Variants in RAP1GAP2 observed in about 807,000 individuals in gnomAD.
RAP1GAP2 encodes RAP1 GTPase activating protein 2.
A neutral mutation model predicts 95.0 loss-of-function variants in RAP1GAP2; 27 were observed. The observed-to-expected ratio is 0.28, with a 90% CI of 0.21 to 0.39. The LOEUF is 0.39. Ranked by LOEUF, RAP1GAP2 falls within the 10% of genes least tolerant of loss-of-function variation. RAP1GAP2 has a pLI of 1.00. For missense variants in RAP1GAP2, 771 were observed against 970.0 expected, an observed-to-expected ratio of 0.79 and a Z score of 2.72; for synonymous variants, 373 against 380.9, an observed-to-expected ratio of 0.98 and a Z score of 0.24.
At position 2,855,004 on chromosome 17, in the gene RAP1GAP2, C is replaced by T. The variant is rs1305077898; in HGVS notation, c.81-50280C>T. 6.6e-6 allele frequency among the ~76,000 whole-genome samples: 1 copy of T among 152,134 alleles called. No homozygotes were observed. The highest frequency in any genetic ancestry group is 1.5e-5 in the Non-Finnish European group (1 of 68,032). On this transcript the variant is annotated intron_variant, in intron 2 of 24. Coordinates refer to ENST00000254695, the MANE Select transcript of RAP1GAP2 (RefSeq NM_015085.5). This position sits in a 1 kb window ranked among gnomAD's most constrained non-coding sequence, Gnocchi z 4.3. ...GAGTTTTGGAATGGTTAATACCGCA[C>T]CCTATAAGACACGGGCAGTGGAACC...
Position 2,995,358 on chromosome 17 carries a change from G to T in RAP1GAP2, c.936G>T (p.Val312=). 1 of 1,613,826 alleles carries T rather than the reference G, an allele frequency of 6.2e-7. No individual in the cohort carries two copies. Among genetic ancestry groups the T allele is most frequent in the South Asian group, 1.1e-5 (1 of 91,074 alleles). Reference sequence around the variant, plus strand: ...ACAGTTTCCGAGGAGGCCTGGACGTGACCCACGGACAGACAGGGGTGGAAT... The same window carrying T: ...ACAGTTTCCGAGGAGGCCTGGACGTTACCCACGGACAGACAGGGGTGGAAT... ...DFKGFRGGLD[V]THGQTGVESV... Residue 312 remains valine (V), a synonymous_variant, in exon 13 of 25, where the codon GTG becomes GTT. Coordinates refer to ENST00000254695, the MANE Select transcript of RAP1GAP2 (RefSeq NM_015085.5).
At chr17:2,978,427 G>C (rs2045216754) in intron 8 of RAP1GAP2, among the ~76,000 whole-genome samples, 1 of 152,106 alleles carries the variant, frequency 6.6e-6, no homozygotes. Context: ...AGCGTGTAGG[G>C]CGTGGGTATG....
intron 1 of RAP1GAP2, among the ~76,000 whole-genome samples, chr17:2,757,188 G>A (rs1041270806): frequency 2.0e-5 from 3 of 152,220 alleles, no homozygotes; most frequent in South Asian, 2.1e-4. Flanking sequence ...GTGCAATCTC[G>A]GCTCACTGCA....
At chr17:2,848,501 C>CTT (rs11441936) in intron 2 of RAP1GAP2, among the ~76,000 whole-genome samples, 49 of 142,326 alleles carry the variant, frequency 3.4e-4, no homozygotes, top group Middle Eastern at 3.5e-3. Flanking sequence ...TCTTTTCCTT[C>CTT]TTTTTTTTTT....
chr17:2,819,411 G>C (rs1288497995), intron 2 of RAP1GAP2, among the ~76,000 whole-genome samples: 1 of 151,616 alleles, frequency 6.6e-6, no homozygotes, highest in African/African-American at 2.4e-5. Context: ...TGCCTCCTGG[G>C]TACAAGTGAT....
At chr17:2,843,346 C>T (rs2071447289) in intron 2 of RAP1GAP2, among the ~76,000 whole-genome samples, 1 of 150,984 alleles carries the variant, frequency 6.6e-6, no homozygotes, top group South Asian at 2.1e-4. Flanking sequence ...AGTGCAGTGG[C>T]GCGATCTCGG....
At chr17:2,899,372 A>G (rs1289743505) in intron 2 of RAP1GAP2, among the ~76,000 whole-genome samples, 1 of 151,770 alleles carries the variant, frequency 6.6e-6, no homozygotes, top group Non-Finnish European at 1.5e-5. Flanking sequence ...ACACCTGGCT[A>G]ATTTTTTAAA....
At chr17:2,815,965 C>T (rs2070001172) in intron 2 of RAP1GAP2, among the ~76,000 whole-genome samples, 2 of 152,210 alleles carry the variant, frequency 1.3e-5, no homozygotes, top group Non-Finnish European at 2.9e-5. Flanking sequence ...ACTGGCTGGA[C>T]GTGGTCAGAA....
chr17:2,844,127 TCTC>T (rs1267454710), intron 2 of RAP1GAP2, among the ~76,000 whole-genome samples: 3 of 152,018 alleles, frequency 2.0e-5, no homozygotes, highest in African/African-American at 7.2e-5. Context: ...TTCACGCCAT[TCTC>T]CTGCCTCAGC....
chr17:2,846,047 G>A (rs924365720), intron 2 of RAP1GAP2, among the ~76,000 whole-genome samples: 3 of 151,844 alleles, frequency 2.0e-5, no homozygotes, highest in African/African-American at 4.8e-5. Flanking sequence ...GTCGAGCGTG[G>A]TATTGGGAGC....
At chr17:2,847,876 C>T (rs532415566) in intron 2 of RAP1GAP2, among the ~76,000 whole-genome samples, 3 of 152,192 alleles carry the variant, frequency 2.0e-5, no homozygotes, top group South Asian at 2.1e-4. Context: ...TCTTCCTGTT[C>T]GTCAGAAATT....
chr17:2,952,562 A>G (rs2043957734), intron 3 of RAP1GAP2, among the ~76,000 whole-genome samples: 1 of 152,194 alleles, frequency 6.6e-6, no homozygotes, highest in South Asian at 2.1e-4. Context: ...GTGTGCACTC[A>G]GCAGAGTTCC....
At chr17:2,981,827 A>G (rs1389253487) in intron 10 of RAP1GAP2, among the ~76,000 whole-genome samples, 3 of 152,124 alleles carry the variant, frequency 2.0e-5, no homozygotes, top group African/African-American at 4.8e-5. Flanking sequence ...ATAATAATAA[A>G]CCCACTGAGG....
exon 1 of RAP1GAP2, chr17:2,755,712 C>T (rs1369089625): frequency 3.7e-5 from 12 of 327,848 alleles, no homozygotes; most frequent in Non-Finnish European, 6.7e-5. Flanking sequence ...AGCGGCCGGG[C>T]GAGGCATGGC....
intron 2 of RAP1GAP2, among the ~76,000 whole-genome samples, chr17:2,835,423 G>T (rs1273787549): frequency 1.3e-5 from 2 of 151,956 alleles, no homozygotes; most frequent in Admixed American, 1.3e-4. Context: ...GTTTCACCAT[G>T]TTGGCCAGGA....
chr17:2,803,125 G>A (rs2069369817), intron 2 of RAP1GAP2, among the ~76,000 whole-genome samples: 1 of 152,150 alleles, frequency 6.6e-6, no homozygotes, highest in Admixed American at 6.6e-5. Context: ...GGGCCTGTTT[G>A]TAAATATAAT....
chr17:2,889,810 G>A (rs946738154), intron 2 of RAP1GAP2, among the ~76,000 whole-genome samples: 1 of 145,302 alleles, frequency 6.9e-6, no homozygotes, highest in African/African-American at 2.5e-5. Flanking sequence ...AGCCTCCAGA[G>A]TAGCTGGGAC....
At chr17:2,872,087 G>A (rs763032564) in intron 2 of RAP1GAP2, among the ~76,000 whole-genome samples, 13 of 151,872 alleles carry the variant, frequency 8.6e-5, no homozygotes, top group Non-Finnish European at 1.8e-4. Context: ...GGTGATGCAC[G>A]CCTGTAATCC....
rs1053302827 is a variant in RAP1GAP2, at chr17:3,018,218, G to C, written c.1632+20G>C. On this transcript the variant is annotated intron_variant, in intron 18 of 24. Coordinates refer to ENST00000254695, the MANE Select transcript of RAP1GAP2 (RefSeq NM_015085.5). ...TTCTCGGTGAGTGCTGGCAGGCCCC[G>C]GGGCGGCAAGTGGGTCCCAGGGAGG... The C allele has an allele frequency of 9.7e-6, 15 of 1,544,326 alleles. No individual in the cohort carries two copies. The highest frequency in any genetic ancestry group is 1.1e-5 in the Non-Finnish European group (13 of 1,146,628).
Sources: gnomAD v4.1 joint callset for allele counts (sites outside exome capture counted in the v4.1 genomes callset) on GRCh38, gnomAD v4.1.1 for gene constraint, Gnocchi (gnomAD v3.1) non-coding constraint, MANE v1.5 for transcripts, NCBI Gene and HGNC (gene_info 2026-07-23, HGNC 2026-07-21) for gene names.